The following CRACD variants were observed in gnomAD, a reference collection of about 807,000 sequenced individuals.
CRACD encodes the protein capping protein inhibiting regulator of actin dynamics.
A neutral mutation model predicts 106.8 loss-of-function variants in CRACD; 56 were observed. The observed-to-expected ratio is 0.52, with a 90% CI of 0.42 to 0.66. The LOEUF is 0.66. Among genes scored for constraint, CRACD ranks in the 30% least tolerant of loss-of-function variants. The pLI, the probability that CRACD is intolerant of heterozygous loss-of-function variation, is 0.00. For synonymous variants in CRACD, 754 were observed against 670.8 expected (o/e 1.12, Z -1.92); for missense variants, 1,730 against 1,623.2 (o/e 1.07, Z -1.13).
chr4:56,303,544 A>T (rs751512913), intron 4 of CRACD, among the ~76,000 whole-genome samples: 1 of 152,212 alleles, frequency 6.6e-6, no homozygotes. Flanking sequence ...AAAAAGACAC[A>T]TTTATCCACA....
intron 1 of CRACD, among the ~76,000 whole-genome samples, chr4:56,164,656 G>A (rs985573253): frequency 7.9e-5 from 12 of 152,110 alleles, no homozygotes; most frequent in Admixed American, 1.3e-4. Context: ...GGTTGGGGAC[G>A]GAGGATGGGA....
intron 2 of CRACD, among the ~76,000 whole-genome samples, chr4:56,206,956 T>A (rs1738149915): frequency 6.6e-6 from 1 of 152,208 alleles, no homozygotes; most frequent in South Asian, 2.1e-4. Flanking sequence ...CATTTAAAAC[T>A]TGTAAGAGAA....
At chr4:56,261,107 GGGGTATCCTTTGCTGA>G (rs1223590688) in intron 2 of CRACD, among the ~76,000 whole-genome samples, 8 of 152,176 alleles carry the variant, frequency 5.3e-5, no homozygotes, top group African/African-American at 1.7e-4. Flanking sequence ...CCTTTGTGTA[GGGGTATCCTTTGCTGA>G]GGTAGTTAGG....
rs549677067 is a variant in CRACD at position 56,209,097 on chromosome 4, G to T, written c.-189+29667G>T. Among the ~76,000 whole-genome samples the T allele has an allele frequency of 2.0e-5, 3 of 152,216 alleles. No homozygotes were observed. In the South Asian group the frequency reaches 6.2e-4, roughly 32 times the overall value. ...AAAACCAAATTTTACTTTTGCATTA[G>T]TGTATTATCAATAAAGCTAATTTTA... On this transcript the variant is annotated intron_variant, in intron 2 of 10. Transcript: ENST00000682029.
rs112754710 is a variant in CRACD, at chr4:56,182,170, G to T, written c.-189+2740G>T. Reference sequence around the variant, plus strand: ...CTGAGGCAGGCGAATCACTTGAGCCGAAGAGTTCGAAACCAGCCTGGGCAA... The same window carrying T: ...CTGAGGCAGGCGAATCACTTGAGCCTAAGAGTTCGAAACCAGCCTGGGCAA... On this transcript the variant is annotated intron_variant, in intron 2 of 10. Coordinates refer to ENST00000682029, the MANE Select transcript of CRACD (RefSeq NM_001393381.1). Among the ~76,000 whole-genome samples, 815 of 151,984 alleles carry T rather than the reference G, an allele frequency of 5.4e-3. 9 individuals are homozygous for T. Among genetic ancestry groups the T allele is most frequent in the African/African-American group, 0.019 (772 of 41,428 alleles).
At chr4:56,139,688 T>C (rs1045620728) in intron 1 of CRACD, among the ~76,000 whole-genome samples, 12 of 152,164 alleles carry the variant, frequency 7.9e-5, no homozygotes, top group Non-Finnish European at 1.5e-4. Context: ...GCTGAGATGA[T>C]TAACATCTAC....
intron 2 of CRACD, among the ~76,000 whole-genome samples, chr4:56,242,006 A>G (rs909797363): frequency 1.3e-5 from 2 of 152,196 alleles, no homozygotes; most frequent in African/African-American, 4.8e-5. Context: ...AAAATTTTTT[A>G]TATTACAGGC....
chr4:56,139,010 G>A (rs945536854), intron 1 of CRACD, among the ~76,000 whole-genome samples: 3 of 152,138 alleles, frequency 2.0e-5, no homozygotes, highest in Non-Finnish European at 2.9e-5. Flanking sequence ...CTTATGAAAG[G>A]CCTACTGATG....
chr4:56,306,536 CA>C (rs1416700386), intron 4 of CRACD, among the ~76,000 whole-genome samples: 5 of 152,034 alleles, frequency 3.3e-5, no homozygotes, highest in Non-Finnish European at 2.9e-5. Flanking sequence ...AACAAACAAA[CA>C]AACAGAGAAA....
At chr4:56,274,798 T>C (rs1202746217) in intron 3 of CRACD, among the ~76,000 whole-genome samples, 1 of 152,040 alleles carries the variant, frequency 6.6e-6, no homozygotes, top group Non-Finnish European at 1.5e-5. Context: ...CCCAGAGGAG[T>C]ATAAAGCATT....
chr4:56,216,450 G>A (rs967360873), intron 2 of CRACD, among the ~76,000 whole-genome samples: 1 of 152,136 alleles, frequency 6.6e-6, no homozygotes, highest in Non-Finnish European at 1.5e-5. Flanking sequence ...GTGTATTGAA[G>A]ATACAGCTGT....
At chr4:56,297,427 C>CA (rs1337216303) in intron 3 of CRACD, among the ~76,000 whole-genome samples, 1 of 151,960 alleles carries the variant, frequency 6.6e-6, no homozygotes, top group Non-Finnish European at 1.5e-5. Flanking sequence ...CCCAGCCCTA[C>CA]AAAAAATAAT....
chr4:56,179,792 C>T (rs558905622), intron 2 of CRACD, among the ~76,000 whole-genome samples: 3 of 152,064 alleles, frequency 2.0e-5, no homozygotes, highest in Non-Finnish European at 2.9e-5. Flanking sequence ...CTGAGGCGGG[C>T]GGATCACTTG....
intron 1 of CRACD, among the ~76,000 whole-genome samples, chr4:56,170,938 T>C (rs1267107304): frequency 2.0e-5 from 3 of 152,164 alleles, no homozygotes; most frequent in African/African-American, 7.2e-5. Context: ...CTGGCAGTAA[T>C]GTTTAGGGTT....
intron 1 of CRACD, among the ~76,000 whole-genome samples, chr4:56,156,427 G>A (rs1735766589): frequency 6.6e-6 from 1 of 152,202 alleles, no homozygotes; most frequent in Non-Finnish European, 1.5e-5. Flanking sequence ...CGCCAACCGT[G>A]TGACCAGGAC....
chr4:56,118,210 C>T (rs1314968641), intron 1 of CRACD, among the ~76,000 whole-genome samples: 1 of 152,028 alleles, frequency 6.6e-6, no homozygotes, highest in African/African-American at 2.4e-5. Flanking sequence ...ACTTACGAAC[C>T]AGAAGGGACC....
chr4:56,168,581 T>C (rs1736240630), intron 1 of CRACD, among the ~76,000 whole-genome samples: 1 of 151,412 alleles, frequency 6.6e-6, no homozygotes, highest in Admixed American at 6.6e-5. Context: ...GAATAAAGGC[T>C]TAACAGTATT....
chr4:56,076,905 C>G (rs1214552765), intron 1 of CRACD, among the ~76,000 whole-genome samples: 1 of 152,166 alleles, frequency 6.6e-6, no homozygotes, highest in Non-Finnish European at 1.5e-5. Context: ...ATAACTTGAA[C>G]ATAGGTTTTT....
chr4:56,280,059 C>T (rs1201638470), intron 3 of CRACD, among the ~76,000 whole-genome samples: 7 of 147,224 alleles, frequency 4.8e-5, no homozygotes, highest in East Asian at 4.1e-4. Flanking sequence ...AACCAAACAC[C>T]GCATGTTCTC....
Sources: gnomAD v4.1 joint callset for allele counts (sites outside exome capture counted in the v4.1 genomes callset) on GRCh38, gnomAD v4.1.1 for gene constraint, MANE v1.5 for transcripts, NCBI Gene and HGNC (gene_info 2026-07-23, HGNC 2026-07-21) for gene names.